ENPEP: variants seen among roughly 807,000 people sequenced by gnomAD.
ENPEP encodes the protein glutamyl aminopeptidase.
Under a neutral mutation model 114.5 loss-of-function variants are expected in ENPEP, and 103 were observed. The observed-to-expected ratio is 0.90, with a 90% confidence interval of 0.77 to 1.06. The LOEUF (loss-of-function observed/expected upper bound fraction) is 1.06, where lower values mean the gene tolerates loss of function less well. Among genes scored for constraint, ENPEP ranks in the 50% least tolerant of loss-of-function variants. The pLI, the probability that ENPEP is intolerant of heterozygous loss-of-function variation, is 0.00. For missense variants in ENPEP, 1,196 were observed against 1,161.3 expected, an observed-to-expected ratio of 1.03 and a Z score of -0.43; for synonymous variants, 420 against 422.0, an observed-to-expected ratio of 1.00 and a Z score of 0.06.
chr4:110,522,068 G>T (rs775939794), intron 10 of ENPEP, among the ~76,000 whole-genome samples: 4 of 151,956 alleles, frequency 2.6e-5, no homozygotes, highest in Admixed American at 2.6e-4. Context: ...TAGTGAAGGC[G>T]GAGTTTCACC....
chr4:110,543,386 AATTTG>A (rs1219406833), intron 13 of ENPEP, among the ~76,000 whole-genome samples: 1 of 152,126 alleles, frequency 6.6e-6, no homozygotes, highest in African/African-American at 2.4e-5. Context: ...GTACCTTCAT[AATTTG>A]ATTTAATATA....
At chr4:110,524,435 A>G (rs142700614) in intron 10 of ENPEP, among the ~76,000 whole-genome samples, 137 of 152,360 alleles carry the variant, frequency 9.0e-4, no homozygotes, top group African/African-American at 3.2e-3. Flanking sequence ...ACTTACAAGA[A>G]ACTTATAAAT....
At chr4:110,504,840 T>G (rs1188170774) in intron 3 of ENPEP, among the ~76,000 whole-genome samples, 2 of 152,196 alleles carry the variant, frequency 1.3e-5, no homozygotes. Context: ...AAGAACACAT[T>G]GAGTCTGTCT....
chr4:110,546,967 T>A (rs777964692), intron 13 of ENPEP, among the ~76,000 whole-genome samples: 1 of 152,012 alleles, frequency 6.6e-6, no homozygotes, highest in Non-Finnish European at 1.5e-5. Flanking sequence ...CCCAGGTACC[T>A]CTCAACAATT....
At chr4:110,509,513 C>T in intron 4 of ENPEP, 140 bp from the exon 5 acceptor site, 2 of 1,090,136 alleles carry the variant, frequency 1.8e-6, no homozygotes, top group Non-Finnish European at 2.5e-6. Context: ...AATGTTCGCA[C>T]ACATGATTAC....
intron 18 of ENPEP, among the ~76,000 whole-genome samples, chr4:110,557,260 G>A (rs1254438668): frequency 2.0e-5 from 3 of 152,132 alleles, no homozygotes; most frequent in Admixed American, 6.5e-5. Flanking sequence ...GATGACTTAC[G>A]GATGATCACA....
Position 110,548,163 on chromosome 4 carries a change from T to TTTTTTTTTA in ENPEP, c.2001-12_2001-11insTTTTTTTAT. The TTTTTTTTTA allele has an allele frequency of 9.4e-7, 1 of 1,061,226 alleles. No individual in the cohort carries two copies. The highest frequency in any genetic ancestry group is 1.2e-6 in the Non-Finnish European group (1 of 849,056). 65.7% of individuals were successfully genotyped at this position (1,061,226 alleles called of 1,614,324 possible). A position where few individuals can be genotyped will look rare whatever the true frequency, so the allele number is the denominator to read the frequency against. On this transcript the variant is annotated splice_polypyrimidine_tract_variant and intron_variant, in intron 13 of 19. Transcript: ENST00000265162. ...AGTTTTTTTTTTTTTTTTTTTTTTT[T>TTTTTTTTTA]TGTCTTTCTCAGAGCTCAACTTCTA...
rs759601464 is a variant in ENPEP at position 110,549,697 on chromosome 4, A to G, written c.2331-19A>G. 2 of 1,612,776 alleles carry G rather than the reference A, an allele frequency of 1.2e-6. No homozygotes were observed. The highest frequency in any genetic ancestry group is 1.7e-6 in the Non-Finnish European group (2 of 1,179,276). ...GAAAAGAGTAGTTGAAATCTCTGAA[A>G]CACTGTTTCTTCTTCTAGCCTTCCC... On this transcript the variant is annotated intron_variant, in intron 16 of 19. Coordinates refer to ENST00000265162, the MANE Select transcript of ENPEP (RefSeq NM_001977.4).
At chr4:110,550,067 C>G (rs1727229919) in intron 17 of ENPEP, among the ~76,000 whole-genome samples, 181 bp downstream of exon 17, 1 of 152,056 alleles carries the variant, frequency 6.6e-6, no homozygotes, top group South Asian at 2.1e-4. Context: ...GAAATGTAAT[C>G]TCATATGAAC....
At chr4:110,529,501 G>A (rs541148299) in intron 10 of ENPEP, among the ~76,000 whole-genome samples, 2 of 152,278 alleles carry the variant, frequency 1.3e-5, no homozygotes, top group African/African-American at 4.8e-5. Context: ...CCCAGCAAAG[G>A]TGCTGTATGA....
At chr4:110,536,107 C>CAAA (rs34765143) in intron 11 of ENPEP, among the ~76,000 whole-genome samples, 12 of 63,096 alleles carry the variant, frequency 1.9e-4, no homozygotes, top group Non-Finnish European at 2.6e-4. Context: ...AACTCTGTCT[C>CAAA]AAAAAAAAAA....
At chr4:110,504,624 A>G (rs1012654846) in intron 3 of ENPEP, among the ~76,000 whole-genome samples, 3 of 152,150 alleles carry the variant, frequency 2.0e-5, no homozygotes, top group African/African-American at 7.2e-5. Flanking sequence ...GCATATTTCT[A>G]TGGACTTGAG....
At chr4:110,518,144 A>G (rs777897883) in intron 8 of ENPEP, among the ~76,000 whole-genome samples, 1 of 152,200 alleles carries the variant, frequency 6.6e-6, no homozygotes, top group African/African-American at 2.4e-5. Context: ...AAACAGCAAA[A>G]TAGGTGCAGG....
At chr4:110,510,422 T>G in intron 6 of ENPEP, 64 bp downstream of exon 6, 2 of 1,351,286 alleles carry the variant, frequency 1.5e-6, no homozygotes, top group Non-Finnish European at 2.1e-6. Context: ...TGGAAGCCTT[T>G]GGACTATGAT....
intron 1 of ENPEP, among the ~76,000 whole-genome samples, chr4:110,481,141 T>C (rs1724299308): frequency 6.6e-6 from 1 of 152,212 alleles, no homozygotes; most frequent in Non-Finnish European, 1.5e-5. Context: ...TCTTAGTAGA[T>C]ATTACCAGAA....
At chr4:110,523,230 C>G (rs1726071424) in intron 10 of ENPEP, among the ~76,000 whole-genome samples, 1 of 152,032 alleles carries the variant, frequency 6.6e-6, no homozygotes, top group Non-Finnish European at 1.5e-5. Context: ...AAATTATGAT[C>G]CAAAAATATG....
At chr4:110,551,092 TA>T (rs569706672) in intron 17 of ENPEP, among the ~76,000 whole-genome samples, 4,367 of 132,292 alleles carry the variant, frequency 0.033, 82 homozygotes, top group African/African-American at 0.064. Flanking sequence ...CGTATCTATT[TA>T]AAAAAAAAAA....
chr4:110,509,735 T>C lies in ENPEP; in HGVS notation c.1122T>C (p.Tyr374=), dbSNP rs1465934197. ...CGTACAGAGAAACGAACCTGCTTTATGACCCTAAGGAATCAGCCTCATCAA... is the reference window on the plus strand; with the variant it reads ...CGTACAGAGAAACGAACCTGCTTTACGACCCTAAGGAATCAGCCTCATCAA... ...LITYRETNLL[Y]DPKESASSNQ... The change falls in exon 5 of 20, where the codon TAT becomes TAC. Residue 374 remains tyrosine (Y), a synonymous_variant. Transcript: ENST00000265162. 4 of 1,614,228 alleles carry C rather than the reference T, an allele frequency of 2.5e-6. No homozygotes were observed. The highest frequency in any genetic ancestry group is 1.1e-5 in the South Asian group (1 of 91,092).
chr4:110,533,304 G>A, intron 11 of ENPEP: 1 of 191,608 alleles, frequency 5.2e-6, no homozygotes, highest in East Asian at 1.3e-4. Flanking sequence ...TATGTGTTAT[G>A]TACTCCTTAG....
Sources: allele counts gnomAD v4.1 joint callset (sites outside exome capture counted in the v4.1 genomes callset), GRCh38; gene constraint gnomAD v4.1.1; transcripts MANE v1.5; gene names NCBI Gene and HGNC (gene_info 2026-07-23, HGNC 2026-07-21).